Variants in METTL23 observed in about 807,000 individuals in gnomAD.
METTL23 encodes the protein histone-arginine methyltransferase METTL23.
METTL23 carries 24 observed loss-of-function variants against 21.2 expected under a neutral mutation model. That is an observed-to-expected ratio of 1.13 (90% confidence interval 0.82 to 1.59). The LOEUF (loss-of-function observed/expected upper bound fraction) is 1.59, where lower values mean the gene tolerates loss of function less well. Ranked by LOEUF, METTL23 falls within the 40% of genes most tolerant of loss-of-function variation. The pLI is 0.00. For missense variants in METTL23, 276 were observed against 221.4 expected (o/e 1.25, Z -1.57); for synonymous variants, 97 against 75.2 (o/e 1.29, Z -1.50).
At chr17:76,731,118 A>T (rs1480045731) in intron 2 of METTL23, among the ~76,000 whole-genome samples, 4 of 144,686 alleles carry the variant, frequency 2.8e-5, no homozygotes, top group Non-Finnish European at 6.1e-5. Flanking sequence ...AAAAAAAAAA[A>T]GATAAAATTA....
intron 2 of METTL23, among the ~76,000 whole-genome samples, chr17:76,732,150 G>C (rs2077234427): frequency 6.8e-6 from 1 of 146,016 alleles, no homozygotes; most frequent in Admixed American, 6.6e-5. Flanking sequence ...TTGAGGTCAG[G>C]AGTTCAAGAC....
chr17:76,729,598 A>G lies in METTL23; in HGVS notation c.-21-92A>G, dbSNP rs927031672. The G allele has an allele frequency of 5.9e-6, 5 of 842,186 alleles. No individual in the cohort carries two copies. The East Asian group carries it at 1.1e-4, about 18-fold the overall frequency. The allele number at this position is 842,186 out of a possible 1,614,324, so 52.2% of individuals were successfully genotyped here. On this transcript the variant is annotated intron_variant, in intron 1 of 4. Coordinates refer to ENST00000341249, the MANE Select transcript of METTL23 (RefSeq NM_001080510.5). ...GGTGAACAGGGCTGCCATTTTTGTA[A>G]TGGATGCCAATGCCTGACAGAAATT...
chr17:76,731,995 G>T (rs1300520290), intron 2 of METTL23, among the ~76,000 whole-genome samples: 1 of 152,198 alleles, frequency 6.6e-6, no homozygotes, highest in African/African-American at 2.4e-5. Flanking sequence ...ATCTTTACTA[G>T]AAAGCCATGT....
At chr17:76,731,314 T>G (rs1325028915) in intron 2 of METTL23, among the ~76,000 whole-genome samples, 5 of 152,184 alleles carry the variant, frequency 3.3e-5, no homozygotes, top group Non-Finnish European at 4.4e-5. Context: ...CTGGAGGCAG[T>G]GAAGTCCCAG....
intron 2 of METTL23, 178 bp from the exon 3 acceptor site, chr17:76,732,800 G>A (rs140802535): frequency 2.1e-5 from 13 of 616,960 alleles, no homozygotes; most frequent in Admixed American, 5.8e-5. Flanking sequence ...GATTCATAAG[G>A]AATGTACTTT....
chr17:76,732,621 G>A (rs936154820), intron 2 of METTL23: 4 of 266,218 alleles, frequency 1.5e-5, no homozygotes, highest in African/African-American at 8.9e-5. Context: ...CCAGCCTGGA[G>A]AACAGAGCAA....
chr17:76,732,003 T>C (rs1169649336), intron 2 of METTL23, among the ~76,000 whole-genome samples: 1 of 152,246 alleles, frequency 6.6e-6, no homozygotes, highest in Non-Finnish European at 1.5e-5. Context: ...TAGAAAGCCA[T>C]GTTGCAGACC....
rs1355554028 is a variant in METTL23, at chr17:76,733,005, A to AT, written c.116dup (p.Leu39PhefsTer32). The AT allele has an allele frequency of 6.3e-7, 1 of 1,585,868 alleles. No individual in the cohort carries two copies. Among genetic ancestry groups the AT allele is most frequent in the African/African-American group, 1.3e-5 (1 of 74,470 alleles). On this transcript the variant is annotated frameshift_variant, in exon 3 of 5. Transcript: ENST00000341249. LOFTEE classifies it high-confidence loss of function. ...TGGAGCTGGAGTGAGCCTTCCAGGA[A>AT]TTTTGGCTGCCAAATGTGGTGCAGA...
At position 76,726,843 on chromosome 17, in the gene METTL23, C is replaced by A. The variant is rs1218874575; in HGVS notation, c.-357C>A. 2.3e-6 allele frequency: 1 copy of A among 425,620 alleles called. No homozygotes were observed. Among genetic ancestry groups the A allele is most frequent in the Middle Eastern group, 4.1e-4 (1 of 2,426 alleles). The allele number at this position is 425,620 out of a possible 1,614,324, so 26.4% of individuals were successfully genotyped here. On this transcript the variant is annotated 5_prime_UTR_variant, in exon 1 of 5. Transcript: ENST00000341249. ...CGCGCTGCCGCTGTGCCCATCACTTCCGGTCGCGCCAGCCGCCCGTTGCCA... is the reference window on the plus strand; with the variant it reads ...CGCGCTGCCGCTGTGCCCATCACTTACGGTCGCGCCAGCCGCCCGTTGCCA...
At chr17:76,727,906 A>G (rs1568007800) in intron 1 of METTL23, among the ~76,000 whole-genome samples, 1 of 152,048 alleles carries the variant, frequency 6.6e-6, no homozygotes, top group African/African-American at 2.4e-5. Context: ...CGGTTTTTCA[A>G]AGCACTTTCA....
At chr17:76,730,288 C>CAAAAAAAAA in intron 2 of METTL23, among the ~76,000 whole-genome samples, 1 of 130,912 alleles carries the variant, frequency 7.6e-6, no homozygotes. Flanking sequence ...GACTCCATCT[C>CAAAAAAAAA]AAAAAAAAAA....
rs780626941 is a variant in METTL23, at chr17:76,733,714, G to GT, written c.*29dup. 9 of 1,586,946 alleles carry GT rather than the reference G, an allele frequency of 5.7e-6. No individual in the cohort carries two copies. Among genetic ancestry groups the GT allele is most frequent in the Non-Finnish European group, 7.7e-6 (9 of 1,166,880 alleles). On this transcript the variant is annotated 3_prime_UTR_variant, in exon 5 of 5. Coordinates refer to ENST00000341249, the MANE Select transcript of METTL23 (RefSeq NM_001080510.5). ...TATACCTACAACCTGTTCTGGGACAGTATCAATACTGATGAGCAACCTGGC... is the reference window on the plus strand; with the variant it reads ...TATACCTACAACCTGTTCTGGGACAGTTATCAATACTGATGAGCAACCTGGC...
At chr17:76,729,216 T>C (rs996232893) in intron 1 of METTL23, among the ~76,000 whole-genome samples, 2 of 151,774 alleles carry the variant, frequency 1.3e-5, no homozygotes, top group Non-Finnish European at 2.9e-5. Flanking sequence ...TCAGCTGGGA[T>C]TACAGGCACG....
In METTL23 at chr17:76,730,411, T is replaced by A. The variant is rs150639181; in HGVS notation, c.84+617T>A. Among the ~76,000 whole-genome samples, 778 of 152,282 alleles carry A rather than the reference T, an allele frequency of 5.1e-3. 5 individuals are homozygous for A. Among genetic ancestry groups the A allele is most frequent in the African/African-American group, 0.017 (725 of 41,560 alleles). ...TGAGCCCAGGAGTTTGATACCAGCC[T>A]GGTCAACATAGTGAGACGCTGTCTC... On this transcript the variant is annotated intron_variant, in intron 2 of 4. Coordinates refer to ENST00000341249, the MANE Select transcript of METTL23 (RefSeq NM_001080510.5).
rs780401259 is a variant in METTL23 at position 76,732,961 on chromosome 17, C to T, written c.85-17C>T. On this transcript the variant is annotated splice_polypyrimidine_tract_variant and intron_variant, in intron 2 of 4. Coordinates refer to ENST00000341249, the MANE Select transcript of METTL23 (RefSeq NM_001080510.5). ...TCCAAGTATAATTGTGAAATGCCAT[C>T]TTTCATAACTTATTAGATTGGAGCT... 1.0e-5 allele frequency: 16 copies of T among 1,544,682 alleles called. No homozygotes were observed. The highest frequency in any genetic ancestry group is 1.3e-5 in the Non-Finnish European group (15 of 1,138,736).
intron 1 of METTL23, 49 bp downstream of exon 1, chr17:76,727,227 G>C (rs60180341): frequency 0.015 from 5,457 of 360,118 alleles, 210 homozygotes; most frequent in African/African-American, 0.088. Context: ...AGGAGCGGAT[G>C]TCGGCTGACT....
Position 76,733,583 on chromosome 17 carries a change from TTGAG to T in METTL23, c.472_475del (p.Glu158LeufsTer9). 1 of 1,613,816 alleles carries T rather than the reference TTGAG, an allele frequency of 6.2e-7. No individual in the cohort carries two copies. Among genetic ancestry groups the T allele is most frequent in the Non-Finnish European group, 8.5e-7 (1 of 1,179,750 alleles). Reference sequence around the variant, plus strand: ...GATATGAAATGTGTCCACATTCCTCTTGAGTCTTTTGATGCAGACAAAGAAGATA... The same window carrying T: ...GATATGAAATGTGTCCACATTCCTCTTCTTTTGATGCAGACAAAGAAGATA... On this transcript the variant is annotated frameshift_variant, in exon 5 of 5. Coordinates refer to ENST00000341249, the MANE Select transcript of METTL23 (RefSeq NM_001080510.5). LOFTEE classifies it high-confidence loss of function.
At chr17:76,726,584 C>G (rs990480288), upstream of METTL23, 312 of 1,401,826 alleles carry the variant, frequency 2.2e-4, 5 homozygotes, top group Non-Finnish European at 4.8e-5. Flanking sequence ...CCCAAACGCC[C>G]TTCGCTCAGT....
chr17:76,732,412 T>C (rs990565306), intron 2 of METTL23, among the ~76,000 whole-genome samples: 1 of 151,824 alleles, frequency 6.6e-6, no homozygotes, highest in African/African-American at 2.4e-5. Context: ...GAGGCAGAAT[T>C]GCTTGAACCC....
Sources: allele counts gnomAD v4.1 joint callset (sites outside exome capture counted in the v4.1 genomes callset), GRCh38; gene constraint gnomAD v4.1.1; transcripts MANE v1.5; gene names NCBI Gene and HGNC (gene_info 2026-07-23, HGNC 2026-07-21).